The following REDIC1 variants were observed in gnomAD, a reference collection of about 807,000 sequenced individuals.
REDIC1 encodes regulator of DNA class I crossover intermediates 1, also known as HEI10 Interacting Protein 1.
At chr12:39,631,888 G>A in the REDIC1 span, among the ~76,000 whole-genome samples, 1 of 152,048 alleles carries the variant, frequency 6.6e-6, no homozygotes, top group South Asian at 2.1e-4. Flanking sequence ...TGAAAACTAT[G>A]AGTAACACAT....
chr12:39,710,371 A>G, the REDIC1 span, among the ~76,000 whole-genome samples: 1 of 151,800 alleles, frequency 6.6e-6, no homozygotes, highest in Non-Finnish European at 1.5e-5. Context: ...AGCCTTCTTG[A>G]AACTTGAATC....
the REDIC1 span, among the ~76,000 whole-genome samples, chr12:39,709,038 G>A: frequency 1.3e-5 from 2 of 151,712 alleles, no homozygotes; most frequent in South Asian, 2.1e-4. Context: ...TTTACATTTA[G>A]TAGTTGCGTA....
At chr12:39,645,090 T>C in the REDIC1 span, among the ~76,000 whole-genome samples, 1 of 151,962 alleles carries the variant, frequency 6.6e-6, no homozygotes, top group Non-Finnish European at 1.5e-5. Flanking sequence ...ATAGGGATAT[T>C]ATTTTCTTCC....
chr12:39,767,302 C>CTTTT, the REDIC1 span, among the ~76,000 whole-genome samples: 1 of 147,366 alleles, frequency 6.8e-6, no homozygotes, highest in Non-Finnish European at 1.5e-5. Context: ...TGAAAGGAAT[C>CTTTT]TTTTTTTTCT....
chr12:39,632,706 A>T, the REDIC1 span, among the ~76,000 whole-genome samples: 1 of 152,206 alleles, frequency 6.6e-6, no homozygotes, highest in African/African-American at 2.4e-5. Context: ...CTACACACCT[A>T]TGCTATATGG....
the REDIC1 span, chr12:39,640,945 C>CT: frequency 1.2e-6 from 2 of 1,607,398 alleles, no homozygotes; most frequent in East Asian, 2.2e-5. Context: ...TATTCTGCTG[C>CT]TTTTTTCAGG....
the REDIC1 span, among the ~76,000 whole-genome samples, chr12:39,712,063 T>G: frequency 3.1e-4 from 32 of 103,980 alleles, no homozygotes; most frequent in African/African-American, 7.7e-4. Flanking sequence ...TATATATACA[T>G]GTATATATAC....
At chr12:39,763,406 T>C in the REDIC1 span, among the ~76,000 whole-genome samples, 15 of 152,094 alleles carry the variant, frequency 9.9e-5, no homozygotes, top group African/African-American at 3.6e-4. Flanking sequence ...ATATTCACCA[T>C]TCATCTGCAA....
chr12:39,629,682 G>GT, the REDIC1 span, among the ~76,000 whole-genome samples: 3 of 152,032 alleles, frequency 2.0e-5, no homozygotes, highest in African/African-American at 7.2e-5. Context: ...TGGCTTTACT[G>GT]TTTTGGTTTT....
the REDIC1 span, chr12:39,626,213 A>C: frequency 4.0e-6 from 4 of 992,152 alleles, no homozygotes; most frequent in Admixed American, 2.2e-5. Context: ...GACCAGAAGG[A>C]GCTTACTCGG....
At chr12:39,713,775 G>A in the REDIC1 span, among the ~76,000 whole-genome samples, 1 of 147,838 alleles carries the variant, frequency 6.8e-6, no homozygotes, top group African/African-American at 2.5e-5. Flanking sequence ...ATATATATTT[G>A]TACGTAAATA....
At chr12:39,794,495 C>T in the REDIC1 span, among the ~76,000 whole-genome samples, 1 of 152,146 alleles carries the variant, frequency 6.6e-6, no homozygotes, top group Non-Finnish European at 1.5e-5. Flanking sequence ...TAGACTGTAA[C>T]CTACTCTTGT....
the REDIC1 span, chr12:39,644,041 T>C: frequency 1.3e-6 from 1 of 746,040 alleles, no homozygotes; most frequent in Non-Finnish European, 2.1e-6. Flanking sequence ...ATTTGGTTGC[T>C]CTCTTAAATT....
At chr12:39,835,240 G>A in the REDIC1 span, among the ~76,000 whole-genome samples, 1 of 151,970 alleles carries the variant, frequency 6.6e-6, no homozygotes, top group Admixed American at 6.6e-5. Flanking sequence ...TCTATCTCAA[G>A]AGCACACATT....
chr12:39,734,560 A>T, the REDIC1 span, among the ~76,000 whole-genome samples: 6 of 152,172 alleles, frequency 3.9e-5, no homozygotes, highest in South Asian at 6.2e-4. Context: ...TTTGTAATGT[A>T]TATAATATAG....
the REDIC1 span, chr12:39,640,939 C>A: frequency 6.2e-7 from 1 of 1,603,808 alleles, no homozygotes; most frequent in East Asian, 2.2e-5. Flanking sequence ...ATATTTTATT[C>A]TGCTGCTTTT....
chr12:39,883,488 A>G, the REDIC1 span, among the ~76,000 whole-genome samples: 11 of 152,302 alleles, frequency 7.2e-5, no homozygotes, highest in South Asian at 1.9e-3. Context: ...GTGTCCATCT[A>G]ACACCTCATT....
the REDIC1 span, among the ~76,000 whole-genome samples, chr12:39,645,697 C>T: frequency 3.3e-5 from 5 of 152,022 alleles, no homozygotes; most frequent in Admixed American, 6.6e-5. Context: ...GAATGGGATA[C>T]GATTATTGGT....
the REDIC1 span, among the ~76,000 whole-genome samples, chr12:39,812,386 C>CTT: frequency 1.4e-5 from 1 of 70,274 alleles, no homozygotes. Context: ...TCTTTTCTTT[C>CTT]TTTCTCTCTC....
Sources: gnomAD v4.1 joint callset for allele counts (sites outside exome capture counted in the v4.1 genomes callset) on GRCh38, gnomAD v4.1.1 for gene constraint, MANE v1.5 for transcripts, NCBI Gene and HGNC (gene_info 2026-07-23, HGNC 2026-07-21) for gene names.